EPHX4: variants seen among roughly 807,000 people sequenced by gnomAD.
The protein encoded by EPHX4 is epoxide hydrolase 4.
In EPHX4, 31 loss-of-function variants were observed where a neutral mutation model predicts 44.9. The observed-to-expected ratio is 0.69, with a 90% CI of 0.52 to 0.93. EPHX4 has a LOEUF of 0.93. EPHX4 is among the 40% of genes least tolerant of loss of function. The probability of loss-of-function intolerance (pLI) is 0.00; values close to 1 mark genes in which losing one functional copy is unlikely to be tolerated. For synonymous variants in EPHX4, 151 were observed against 159.7 expected (o/e 0.95, Z 0.41); for missense variants, 373 against 438.1 (o/e 0.85, Z 1.33).
intron 1 of EPHX4, among the ~76,000 whole-genome samples, chr1:92,032,006 G>A (rs1688368274): frequency 6.6e-6 from 1 of 152,146 alleles, no homozygotes; most frequent in Non-Finnish European, 1.5e-5. Flanking sequence ...ATAACTGATG[G>A]CACAGCTCTT....
At chr1:92,045,138 T>A (rs1688565482) in intron 3 of EPHX4, among the ~76,000 whole-genome samples, 1 of 152,040 alleles carries the variant, frequency 6.6e-6, no homozygotes, top group Admixed American at 6.6e-5. Context: ...AATTTCTTTA[T>A]TTTTTTGTAG....
chr1:92,034,788 C>G (rs576289819), intron 2 of EPHX4, among the ~76,000 whole-genome samples: 1 of 151,688 alleles, frequency 6.6e-6, no homozygotes, highest in African/African-American at 2.4e-5. Context: ...ATTACAAGTG[C>G]GCACCACACC....
At chr1:92,053,619 A>G (rs1647302462) in intron 6 of EPHX4, among the ~76,000 whole-genome samples, 1 of 152,084 alleles carries the variant, frequency 6.6e-6, no homozygotes, top group Non-Finnish European at 1.5e-5. Context: ...GGAGATGGAG[A>G]GAGTGGGCAG....
At chr1:92,050,895 G>A (rs1354856150) in intron 5 of EPHX4, among the ~76,000 whole-genome samples, 4 of 152,078 alleles carry the variant, frequency 2.6e-5, no homozygotes, top group African/African-American at 9.7e-5. Context: ...CACCCAGGCT[G>A]GAGTGCAGCT....
chr1:92,062,988 G>T, intron 6 of EPHX4, 67 bp from the exon 7 acceptor site: 1 of 1,348,812 alleles, frequency 7.4e-7, no homozygotes. Flanking sequence ...ACCTACTGGG[G>T]CACTATAGGA....
chr1:92,057,357 A>G (rs1402556823), intron 6 of EPHX4, among the ~76,000 whole-genome samples: 1 of 152,172 alleles, frequency 6.6e-6, no homozygotes. Flanking sequence ...AGTAAAAAAA[A>G]TAACTATTAA....
chr1:92,050,994 C>T (rs894158847), intron 5 of EPHX4, among the ~76,000 whole-genome samples: 5 of 151,838 alleles, frequency 3.3e-5, no homozygotes, highest in South Asian at 2.1e-4. Flanking sequence ...CACCATGCCC[C>T]GCTAGTTTTT....
chr1:92,043,560 C>A (rs1688541144), intron 3 of EPHX4: 1 of 152,186 alleles, frequency 6.6e-6, no homozygotes, highest in Non-Finnish European at 1.5e-5. Flanking sequence ...AGAACACACA[C>A]CTAAATATTC....
chr1:92,051,189 G>T (rs1046865819), intron 5 of EPHX4, among the ~76,000 whole-genome samples: 2 of 151,558 alleles, frequency 1.3e-5, no homozygotes, highest in South Asian at 2.1e-4. Context: ...TTTTTAAAAG[G>T]TATAATATAA....
chr1:92,056,763 G>T (rs1323020954), intron 6 of EPHX4, among the ~76,000 whole-genome samples: 1 of 151,408 alleles, frequency 6.6e-6, no homozygotes, highest in Non-Finnish European at 1.5e-5. Flanking sequence ...TTACAGGTGT[G>T]AGCCACCATA....
chr1:92,063,093 C>T lies in EPHX4; in HGVS notation c.896C>T (p.Thr299Ile). The change falls in exon 7 of 7, where the codon ACA becomes ATA. Residue 299 changes from threonine to isoleucine, a missense_variant. Coordinates refer to ENST00000370383, the MANE Select transcript of EPHX4 (RefSeq NM_173567.5). ...PLKHHMVTTP[T>I]LLLWGENDAF... The stretch of plus-strand genomic sequence containing the variant: ...AAACATCACATGGTGACCACTCCAA[C>T]ACTACTACTGTGGGGAGAGAATGAC... The T allele has an allele frequency of 6.2e-7, 1 of 1,614,072 alleles. No individual in the cohort carries two copies. The highest frequency in any genetic ancestry group is 1.1e-5 in the South Asian group (1 of 91,060).
intron 1 of EPHX4, 114 bp downstream of exon 1, chr1:92,030,424 C>A: frequency 1.2e-6 from 1 of 855,450 alleles, no homozygotes; most frequent in Non-Finnish European, 1.6e-6. Flanking sequence ...AGTGTCCTGG[C>A]AGGAGGGGAG....
rs1468325868 is a variant in EPHX4 at position 92,054,563 on chromosome 1, G to A, written c.857+1905G>A. ...AGATCACGCCACTGCACTCCAGCCT[G>A]GGTGACAGAGAGAGACTCCATCTCA... On this transcript the variant is annotated intron_variant, in intron 6 of 6. Coordinates refer to ENST00000370383, the MANE Select transcript of EPHX4 (RefSeq NM_173567.5). Among the ~76,000 whole-genome samples the A allele has an allele frequency of 4.0e-5, 6 of 148,446 alleles. No individual in the cohort carries two copies. The South Asian group carries it at 6.6e-4, about 16-fold the overall frequency.
At chr1:92,045,491 G>C (rs760629164) in intron 3 of EPHX4, 41 bp from the exon 4 acceptor site, 3 of 1,610,872 alleles carry the variant, frequency 1.9e-6, no homozygotes, top group South Asian at 1.1e-5. Flanking sequence ...GCACCCACCT[G>C]TTTCTTTTTA....
At chr1:92,037,671 T>G (rs1200127763) in intron 2 of EPHX4, among the ~76,000 whole-genome samples, 2 of 152,128 alleles carry the variant, frequency 1.3e-5, no homozygotes, top group African/African-American at 4.8e-5. Flanking sequence ...CATTTCTCTG[T>G]GGTAAAGAGG....
chr1:92,049,232 G>C (rs1179984407), intron 4 of EPHX4, among the ~76,000 whole-genome samples: 1 of 152,000 alleles, frequency 6.6e-6, no homozygotes, highest in African/African-American at 2.4e-5. Context: ...ACCAAGCCCA[G>C]GATCTACTTG....
At chr1:92,051,117 G>C (rs999319244) in intron 5 of EPHX4, among the ~76,000 whole-genome samples, 1 of 152,094 alleles carries the variant, frequency 6.6e-6, no homozygotes, top group African/African-American at 2.4e-5. Context: ...ACAGGCATAA[G>C]CCACCACTCC....
At chr1:92,058,928 T>A (rs1286051801) in intron 6 of EPHX4, among the ~76,000 whole-genome samples, 1 of 152,154 alleles carries the variant, frequency 6.6e-6, no homozygotes, top group Non-Finnish European at 1.5e-5. Context: ...GAGTAATATA[T>A]TATCTCCTGC....
chr1:92,044,569 C>T (rs543623746), intron 3 of EPHX4, among the ~76,000 whole-genome samples: 41 of 152,146 alleles, frequency 2.7e-4, no homozygotes, highest in Non-Finnish European at 5.4e-4. Context: ...AACATTTTAA[C>T]GTACTTTAAA....
Sources: gnomAD v4.1 joint callset for allele counts (sites outside exome capture counted in the v4.1 genomes callset) on GRCh38, gnomAD v4.1.1 for gene constraint, MANE v1.5 for transcripts, NCBI Gene and HGNC (gene_info 2026-07-23, HGNC 2026-07-21) for gene names.